GBF1: variants seen among roughly 807,000 people sequenced by gnomAD.
The protein encoded by GBF1 is Golgi-specific brefeldin A-resistance guanine nucleotide exchange factor 1.
In GBF1, 114 loss-of-function variants were observed where a neutral mutation model predicts 210.5. That is an observed-to-expected ratio of 0.54 (90% CI 0.47 to 0.63). The LOEUF (loss-of-function observed/expected upper bound fraction) is 0.63. Ranked by LOEUF, GBF1 falls within the 30% of genes least tolerant of loss-of-function variation. The probability of loss-of-function intolerance (pLI) is 0.00; values close to 1 mark genes in which losing one functional copy is unlikely to be tolerated. For synonymous variants in GBF1, 850 were observed against 889.2 expected (o/e 0.96, Z 0.78); for missense variants, 1,851 against 2,357.7 (o/e 0.79, Z 4.45).
chr10:102,235,290 G>T, the GBF1 span, among the ~76,000 whole-genome samples: 2 of 151,872 alleles, frequency 1.3e-5, no homozygotes, highest in South Asian at 4.2e-4. Flanking sequence ...TTCTGCACTG[G>T]ATGCTGCTGA....
intron 3 of GBF1, among the ~76,000 whole-genome samples, chr10:102,279,284 A>T (rs1354326252): frequency 6.6e-6 from 1 of 152,246 alleles, no homozygotes; most frequent in Non-Finnish European, 1.5e-5. Flanking sequence ...CACATCACCC[A>T]GTGGAATTTG....
At chr10:102,281,269 C>CA (rs1348547593) in intron 3 of GBF1, among the ~76,000 whole-genome samples, 2 of 152,072 alleles carry the variant, frequency 1.3e-5, no homozygotes, top group Non-Finnish European at 2.9e-5. Flanking sequence ...TATTGCAAGT[C>CA]AGACATGAGG....
At chr10:102,259,148 G>T in intron 2 of GBF1, 114 bp downstream of exon 2, 1 of 666,370 alleles carries the variant, frequency 1.5e-6, no homozygotes, top group South Asian at 1.7e-5. Flanking sequence ...GGAATTCAGA[G>T]TTGTTCTTGA....
intron 24 of GBF1, 60 bp from the exon 25 acceptor site, chr10:102,369,651 G>A (rs2060098613): frequency 2.0e-6 from 3 of 1,485,648 alleles, no homozygotes; most frequent in East Asian, 2.3e-5. Context: ...TTTGGTGGGT[G>A]GAGGCGGGCA....
At chr10:102,242,958 C>T (rs915457962), upstream of GBF1, among the ~76,000 whole-genome samples, 1 of 150,356 alleles carries the variant, frequency 6.7e-6, no homozygotes, top group African/African-American at 2.5e-5. Context: ...AGCCTAAGCC[C>T]AGTCACACAA....
chr10:102,280,276 T>A (rs1472367722), intron 3 of GBF1, among the ~76,000 whole-genome samples: 1 of 152,098 alleles, frequency 6.6e-6, no homozygotes, highest in Non-Finnish European at 1.5e-5. Flanking sequence ...ACTCCTAAAA[T>A]AGGAAAATGG....
intron 3 of GBF1, among the ~76,000 whole-genome samples, chr10:102,343,481 T>A (rs1212217712): frequency 6.6e-6 from 1 of 152,208 alleles, no homozygotes; most frequent in East Asian, 1.9e-4. Context: ...AAAATACATA[T>A]AATGCAAAAT....
rs773594983 is a variant in GBF1 at position 102,382,585 on chromosome 10, CA to C, written c.*250del. The C allele has an allele frequency of 8.3e-5, 37 of 444,678 alleles. No homozygotes were observed. Among genetic ancestry groups the C allele is most frequent in the Non-Finnish European group, 1.2e-4 (30 of 251,994 alleles). The allele number at this position is 444,678 out of a possible 1,614,324, so 27.5% of individuals were successfully genotyped here. A position where few individuals can be genotyped will look rare whatever the true frequency, so the allele number is the denominator to read the frequency against. On this transcript the variant is annotated 3_prime_UTR_variant, in exon 40 of 40. Transcript: ENST00000369983. ...TGAGAGTGAACTCAGCTGTCATCTG[CA>C]GCCTCTGCCTCCAGCCCGGCAGCTC...
chr10:102,249,683 T>C (rs1201966331), intron 1 of GBF1, among the ~76,000 whole-genome samples: 1 of 152,004 alleles, frequency 6.6e-6, no homozygotes, highest in Non-Finnish European at 1.5e-5. Flanking sequence ...ATCTTTAGTG[T>C]TTCTCTGGCT....
chr10:102,382,528 C>T lies in GBF1; in HGVS notation c.*192C>T, dbSNP rs1345464665. 3.7e-6 allele frequency: 2 copies of T among 540,198 alleles called. No homozygotes were observed. Among genetic ancestry groups the T allele is most frequent in the African/African-American group, 1.9e-5 (1 of 52,310 alleles). The allele number at this position is 540,198 out of a possible 1,614,324, so 33.5% of individuals were successfully genotyped here. A position where few individuals can be genotyped will look rare whatever the true frequency, so the allele number is the denominator to read the frequency against. On this transcript the variant is annotated 3_prime_UTR_variant, in exon 40 of 40. Coordinates refer to ENST00000369983, the MANE Select transcript of GBF1 (RefSeq NM_001377137.1). ...CCCAATCAGCTGTGGGACCTTTTTC[C>T]TCCTCTGCGCTCCATTCCTGGGGGT... is the stretch of plus-strand genomic sequence containing the variant.
chr10:102,314,887 C>T (rs923999873), intron 3 of GBF1, among the ~76,000 whole-genome samples: 3 of 152,314 alleles, frequency 2.0e-5, no homozygotes, highest in African/African-American at 7.2e-5. Flanking sequence ...TGAAACCTCT[C>T]ATTAACATTT....
chr10:102,233,304 C>CTTTTTTTTTTTTTTTTTTTTTTTT, the GBF1 span, among the ~76,000 whole-genome samples: 2 of 107,910 alleles, frequency 1.9e-5, no homozygotes, highest in Non-Finnish European at 3.5e-5. Context: ...TTTTTTCCTT[C>CTTTTTTTTTTTTTTTTTTTTTTTT]TTTTTTTTTT....
rs2073003095 is a variant in GBF1, at chr10:102,260,133, A to G, written c.163+17A>G. ...GTATAACAGGTAAGTCTCCATATGT[A>G]TGTGGATTACTAATCTTGGTAAAAA... On this transcript the variant is annotated intron_variant, in intron 3 of 39. Coordinates refer to ENST00000369983, the MANE Select transcript of GBF1 (RefSeq NM_001377137.1). The G allele has an allele frequency of 7.9e-7, 1 of 1,270,972 alleles. No homozygotes were observed. The highest frequency in any genetic ancestry group is 1.9e-4 in the Middle Eastern group (1 of 5,382). The allele number at this position is 1,270,972 out of a possible 1,614,324, so 78.7% of individuals were successfully genotyped here.
At chr10:102,341,055 CTG>C in intron 3 of GBF1, among the ~76,000 whole-genome samples, 1 of 152,308 alleles carries the variant, frequency 6.6e-6, no homozygotes, top group African/African-American at 2.4e-5. Flanking sequence ...TTAGAAATAA[CTG>C]TATCACTACT....
intron 3 of GBF1, among the ~76,000 whole-genome samples, chr10:102,317,195 G>A (rs2079005366): frequency 6.6e-6 from 1 of 152,132 alleles, no homozygotes; most frequent in Non-Finnish European, 1.5e-5. Context: ...TACTCCAGAG[G>A]CTGAGATGGG....
At chr10:102,330,842 A>G (rs533404826) in intron 3 of GBF1, among the ~76,000 whole-genome samples, 1 of 152,314 alleles carries the variant, frequency 6.6e-6, no homozygotes, top group South Asian at 2.1e-4. Context: ...GGAATGCCCA[A>G]GGTAGGAAAC....
At chr10:102,231,568 C>T in the GBF1 span, 34 of 1,520,806 alleles carry the variant, frequency 2.2e-5, no homozygotes, top group Non-Finnish European at 2.9e-5. Flanking sequence ...GGGTGCGAGT[C>T]GCGGGTCTGG....
rs560827068 is a variant in GBF1 at position 102,252,359 on chromosome 10, AAAAT to A, written c.-10-6551_-10-6548del. On this transcript the variant is annotated intron_variant, in intron 1 of 39. Coordinates refer to ENST00000369983, the MANE Select transcript of GBF1 (RefSeq NM_001377137.1). ...GTCTCAAAAAAAAAAAAAAAGTGGA[AAAAT>A]AAATAAATAAATAAATAAGTGGTTT... is the stretch of plus-strand genomic sequence containing the variant. 7.5e-4 allele frequency among the ~76,000 whole-genome samples: 113 copies of A among 151,664 alleles called. 3 individuals are homozygous for A. The South Asian group carries it at 0.022, about 30-fold the overall frequency.
At chr10:102,342,332 C>T (rs1024930820) in intron 3 of GBF1, among the ~76,000 whole-genome samples, 5 of 151,938 alleles carry the variant, frequency 3.3e-5, no homozygotes, top group African/African-American at 1.2e-4. Flanking sequence ...CCACCGTGCC[C>T]GGCCCTTTTA....
Sources: gnomAD v4.1 joint callset for allele counts (sites outside exome capture counted in the v4.1 genomes callset) on GRCh38, gnomAD v4.1.1 for gene constraint, MANE v1.5 for transcripts, NCBI Gene and HGNC (gene_info 2026-07-23, HGNC 2026-07-21) for gene names.